KHDRBS2: variants seen among roughly 807,000 people sequenced by gnomAD.
KHDRBS2 encodes KH RNA binding domain containing, signal transduction associated 2.
Under a neutral mutation model 44.3 loss-of-function variants are expected in KHDRBS2, and 26 were observed. The observed-to-expected ratio is 0.59, with a 90% CI of 0.43 to 0.81. KHDRBS2 has a LOEUF of 0.81. Among genes scored for constraint, KHDRBS2 ranks in the 40% least tolerant of loss-of-function variants. KHDRBS2 has a pLI of 0.00. For missense variants in KHDRBS2, 476 were observed against 433.1 expected (o/e 1.10, Z -0.88); for synonymous variants, 194 against 151.1 (o/e 1.28, Z -2.08).
At chr6:61,880,959 T>C (rs1396535370) in intron 6 of KHDRBS2, among the ~76,000 whole-genome samples, 3 of 151,922 alleles carry the variant, frequency 2.0e-5, no homozygotes, top group Non-Finnish European at 4.4e-5. Context: ...AGGAGTGTCA[T>C]TAACTAAAAA....
chr6:61,558,667 C>T, the KHDRBS2 span, among the ~76,000 whole-genome samples: 6,774 of 152,186 alleles, frequency 0.045, 152 homozygotes, highest in East Asian at 0.087. Flanking sequence ...TTAATTTCTT[C>T]CTTGACCAAC....
chr6:62,033,716 G>A (rs1408794954), intron 3 of KHDRBS2, among the ~76,000 whole-genome samples: 1 of 151,156 alleles, frequency 6.6e-6, no homozygotes, highest in African/African-American at 2.4e-5. Flanking sequence ...ACATGAAGGA[G>A]AAATAACAAC....
chr6:62,143,918 C>T (rs758571302), intron 2 of KHDRBS2, among the ~76,000 whole-genome samples: 1 of 151,766 alleles, frequency 6.6e-6, no homozygotes, highest in African/African-American at 2.4e-5. Context: ...TTTTAAGATA[C>T]AAAACTTAAC....
At chr6:61,721,913 G>T (rs1418465466) in intron 7 of KHDRBS2, among the ~76,000 whole-genome samples, 5 of 146,010 alleles carry the variant, frequency 3.4e-5, no homozygotes, top group Non-Finnish European at 7.5e-5. Flanking sequence ...TTGGCTGTGG[G>T]TCTGTCATAG....
intron 4 of KHDRBS2, among the ~76,000 whole-genome samples, chr6:61,918,051 G>A (rs193233437): frequency 1.5e-3 from 228 of 151,974 alleles, no homozygotes; most frequent in African/African-American, 5.1e-3. Flanking sequence ...GCGCATCGGC[G>A]AATGATGAAG....
the KHDRBS2 span, among the ~76,000 whole-genome samples, chr6:61,543,036 T>C: frequency 2.1e-3 from 322 of 152,026 alleles, 2 homozygotes; most frequent in African/African-American, 7.2e-3. Context: ...GGAAACTCTC[T>C]AGAACATTGG....
intron 6 of KHDRBS2, among the ~76,000 whole-genome samples, chr6:61,874,016 A>G (rs1562347462): frequency 6.6e-6 from 1 of 152,036 alleles, no homozygotes; most frequent in Non-Finnish European, 1.5e-5. Context: ...CTATACATTA[A>G]TGGTATGAAC....
At chr6:61,603,347 C>T in the KHDRBS2 span, among the ~76,000 whole-genome samples, 1 of 152,164 alleles carries the variant, frequency 6.6e-6, no homozygotes, top group East Asian at 1.9e-4. Context: ...TGTTCTGGAT[C>T]TCAAACATGC....
intron 3 of KHDRBS2, among the ~76,000 whole-genome samples, chr6:61,991,704 G>A (rs1334748855): frequency 6.6e-6 from 1 of 152,200 alleles, no homozygotes; most frequent in Non-Finnish European, 1.5e-5. Flanking sequence ...AATTTTCAAG[G>A]TGGAATATCA....
chr6:62,000,762 A>G (rs745999946), intron 3 of KHDRBS2, among the ~76,000 whole-genome samples: 1 of 152,184 alleles, frequency 6.6e-6, no homozygotes, highest in Admixed American at 6.6e-5. Flanking sequence ...AGGTTCTTCC[A>G]GAGTAGCTGT....
chr6:62,183,581 T>A (rs1469930961), intron 1 of KHDRBS2, among the ~76,000 whole-genome samples: 1 of 151,634 alleles, frequency 6.6e-6, no homozygotes, highest in Non-Finnish European at 1.5e-5. Context: ...TCTAGTTCTA[T>A]GGAAATTTTC....
chr6:61,839,478 T>A (rs1488580244), intron 6 of KHDRBS2, among the ~76,000 whole-genome samples: 2 of 152,122 alleles, frequency 1.3e-5, no homozygotes, highest in Admixed American at 1.3e-4. Context: ...TAGGCAAATG[T>A]GTTTAATAGT....
chr6:62,011,854 T>C (rs532827956), intron 3 of KHDRBS2, among the ~76,000 whole-genome samples: 41 of 152,314 alleles, frequency 2.7e-4, no homozygotes, highest in African/African-American at 9.9e-4. Context: ...TTTTCTCAAA[T>C]GTACTATAGG....
intron 7 of KHDRBS2, among the ~76,000 whole-genome samples, chr6:61,698,266 T>C (rs1768145054): frequency 6.6e-6 from 1 of 152,138 alleles, no homozygotes; most frequent in Non-Finnish European, 1.5e-5. Flanking sequence ...TTCCCTATGG[T>C]TACCTTCTCA....
intron 2 of KHDRBS2, among the ~76,000 whole-genome samples, chr6:62,064,959 A>C (rs1315839215): frequency 7.2e-5 from 11 of 151,876 alleles, no homozygotes; most frequent in Non-Finnish European, 1.3e-4. Context: ...ACCCCATCAA[A>C]AAGTGGGTGA....
chr6:62,230,527 A>C (rs1832730080), intron 1 of KHDRBS2, among the ~76,000 whole-genome samples: 1 of 152,194 alleles, frequency 6.6e-6, no homozygotes, highest in Admixed American at 6.5e-5. Flanking sequence ...CTATCACAGA[A>C]GTTAGAGCCC....
intron 6 of KHDRBS2, among the ~76,000 whole-genome samples, chr6:61,775,756 T>C (rs1363896849): frequency 2.0e-5 from 3 of 152,218 alleles, no homozygotes; most frequent in Admixed American, 6.5e-5. Context: ...CCCATCAAGC[T>C]ACCAGTGACT....
chr6:62,089,268 C>CA (rs34948262), intron 2 of KHDRBS2, among the ~76,000 whole-genome samples: 37,320 of 111,882 alleles, frequency 0.33, 6,547 homozygotes, highest in African/African-American at 0.53. Flanking sequence ...CACTGGGTTA[C>CA]AAAAAAAAAA....
chr6:61,773,688 T>A (rs999102461), intron 6 of KHDRBS2, among the ~76,000 whole-genome samples: 10 of 151,772 alleles, frequency 6.6e-5, no homozygotes, highest in Non-Finnish European at 1.0e-4. Flanking sequence ...TTGCCATTGC[T>A]TTTGGTGTTG....
Sources: allele counts gnomAD v4.1 joint callset (sites outside exome capture counted in the v4.1 genomes callset), GRCh38; gene constraint gnomAD v4.1.1; transcripts MANE v1.5; gene names NCBI Gene and HGNC (gene_info 2026-07-23, HGNC 2026-07-21).